NBEAL1: variants seen among roughly 807,000 people sequenced by gnomAD.
The protein encoded by NBEAL1 is neurobeachin-like protein 1.
In NBEAL1, 273 loss-of-function variants were observed where a neutral mutation model predicts 351.3. That is an observed-to-expected ratio of 0.78 (90% CI 0.70 to 0.86). The LOEUF (loss-of-function observed/expected upper bound fraction) is 0.86, where lower values mean the gene tolerates loss of function less well. Ranked by LOEUF, NBEAL1 falls within the 40% of genes least tolerant of loss-of-function variation. The pLI, the probability that NBEAL1 is intolerant of heterozygous loss-of-function variation, is 0.00. For missense variants in NBEAL1, 2,961 were observed against 3,201.3 expected (o/e 0.92, Z 1.81); for synonymous variants, 1,050 against 1,086.4 (o/e 0.97, Z 0.66).
At chr2:203,141,398 T>TC (rs1381393217) in intron 31 of NBEAL1, among the ~76,000 whole-genome samples, 3 of 130,140 alleles carry the variant, frequency 2.3e-5, no homozygotes, top group African/African-American at 8.8e-5. Flanking sequence ...TTTTTTTTTT[T>TC]CAGATGGAGT....
In NBEAL1 at chr2:203,202,630, A is replaced by G. The variant is rs1005167476; in HGVS notation, c.7412-57A>G. On this transcript the variant is annotated intron_variant, in intron 50 of 55. Transcript: ENST00000683969. The stretch of plus-strand genomic sequence containing the variant: ...TTGAACATTAACAAAAATTGCTCTT[A>G]AAGTTCTATTTTAGCAAAACGAGGC... The G allele has an allele frequency of 1.0e-4, 98 of 983,778 alleles. No homozygotes were observed. The East Asian group carries it at 2.3e-3, about 23-fold the overall frequency. The allele number at this position is 983,778 out of a possible 1,614,324, so 60.9% of individuals were successfully genotyped here. A position where few individuals can be genotyped will look rare whatever the true frequency, so the allele number is the denominator to read the frequency against.
intron 31 of NBEAL1, among the ~76,000 whole-genome samples, chr2:203,141,837 A>G (rs1172539808): frequency 6.6e-6 from 1 of 152,214 alleles, no homozygotes; most frequent in Non-Finnish European, 1.5e-5. Context: ...TATAGGGGTT[A>G]TAATAGAGCT....
intron 41 of NBEAL1, among the ~76,000 whole-genome samples, chr2:203,174,116 G>T (rs2064410113): frequency 7.0e-6 from 1 of 143,164 alleles, no homozygotes; most frequent in Non-Finnish European, 1.5e-5. Flanking sequence ...TAGATTTCTA[G>T]GTATCAATTT....
chr2:203,156,109 T>C (rs537439521), intron 35 of NBEAL1, among the ~76,000 whole-genome samples: 2 of 152,360 alleles, frequency 1.3e-5, no homozygotes, highest in South Asian at 4.1e-4. Flanking sequence ...ACTTCTCTTG[T>C]ATCTGGTATT....
At chr2:203,041,680 C>T (rs1424684819) in intron 2 of NBEAL1, 85 bp from the exon 3 acceptor site, 14 of 809,212 alleles carry the variant, frequency 1.7e-5, no homozygotes, top group Admixed American at 5.1e-5. Flanking sequence ...AGTATTGATT[C>T]TTTAGGTATC....
At chr2:203,037,448 A>G (rs2061058391) in intron 2 of NBEAL1, among the ~76,000 whole-genome samples, 1 of 149,116 alleles carries the variant, frequency 6.7e-6, no homozygotes, top group African/African-American at 2.4e-5. Flanking sequence ...GTTTTTTTTC[A>G]ATTCAGCTTT....
intron 36 of NBEAL1, 91 bp from the exon 37 acceptor site, chr2:203,166,058 A>G: frequency 8.1e-7 from 1 of 1,236,604 alleles, no homozygotes; most frequent in Non-Finnish European, 1.1e-6. Context: ...AAAAAGAAAA[A>G]AAAGAGATTA....
At chr2:203,061,256 A>G (rs184270536) in intron 6 of NBEAL1, 1 of 152,246 alleles carries the variant, frequency 6.6e-6, no homozygotes, top group African/African-American at 2.4e-5. Context: ...TTCCCCCAGT[A>G]TGAGTTTTTC....
chr2:203,135,614 T>C (rs2063182307), intron 27 of NBEAL1, 63 bp from the exon 28 acceptor site: 5 of 976,152 alleles, frequency 5.1e-6, no homozygotes, highest in African/African-American at 5.0e-5. Flanking sequence ...ACTGAAAATA[T>C]TATTTTTGAT....
intron 4 of NBEAL1, among the ~76,000 whole-genome samples, chr2:203,051,323 G>A (rs994638444): frequency 1.1e-4 from 16 of 152,114 alleles, no homozygotes; most frequent in Admixed American, 6.6e-4. Context: ...GAGGTGGATC[G>A]CTTGAGGTCA....
chr2:203,086,806 A>C (rs1378991411), intron 10 of NBEAL1, among the ~76,000 whole-genome samples: 1 of 152,182 alleles, frequency 6.6e-6, no homozygotes, highest in African/African-American at 2.4e-5. Context: ...AAATGCTGGG[A>C]TTACAGGCGT....
intron 4 of NBEAL1, among the ~76,000 whole-genome samples, chr2:203,051,030 A>T (rs2061316053): frequency 6.6e-6 from 1 of 152,172 alleles, no homozygotes; most frequent in Non-Finnish European, 1.5e-5. Context: ...TTTTATAAAT[A>T]TTTTATAATT....
chr2:203,162,087 G>A (rs375402333), intron 36 of NBEAL1, among the ~76,000 whole-genome samples: 1 of 147,074 alleles, frequency 6.8e-6, no homozygotes, highest in Non-Finnish European at 1.5e-5. Context: ...GCAGTGGCGC[G>A]ATCTCGGCTC....
chr2:203,177,793 C>T (rs1372005269), intron 42 of NBEAL1, among the ~76,000 whole-genome samples: 1 of 151,958 alleles, frequency 6.6e-6, no homozygotes, highest in African/African-American at 2.4e-5. Context: ...CTGAGGTAGG[C>T]AAATCACTTG....
chr2:203,201,813 C>T (rs2065408213), intron 50 of NBEAL1, 98 bp downstream of exon 50: 1 of 984,346 alleles, frequency 1.0e-6, no homozygotes, highest in South Asian at 2.4e-5. Context: ...TTAAATTTTA[C>T]CTTTGAAGCT....
In NBEAL1 at chr2:203,217,834, A is replaced by G; in HGVS notation, c.*480A>G. 1 of 985,306 alleles carries G rather than the reference A, an allele frequency of 1.0e-6. No homozygotes were observed. Among genetic ancestry groups the G allele is most frequent in the Non-Finnish European group, 1.2e-6 (1 of 829,816 alleles). 61.0% of individuals were successfully genotyped at this position (985,306 alleles called of 1,614,324 possible). A position where few individuals can be genotyped will look rare whatever the true frequency, so the allele number is the denominator to read the frequency against. ...TATCTGTTGCACACTTGGATTTTCA[A>G]AACTCGGTGAAAGTTACAAGTTTGC... is the stretch of plus-strand genomic sequence containing the variant. On this transcript the variant is annotated 3_prime_UTR_variant, in exon 56 of 56. Coordinates refer to ENST00000683969, the MANE Select transcript of NBEAL1 (RefSeq NM_001378026.1).
intron 12 of NBEAL1, among the ~76,000 whole-genome samples, chr2:203,104,459 G>A (rs2062390865): frequency 6.6e-6 from 1 of 152,156 alleles, no homozygotes; most frequent in South Asian, 2.1e-4. Flanking sequence ...GTCTCTTGAA[G>A]ACAGCATACC....
intron 8 of NBEAL1, among the ~76,000 whole-genome samples, chr2:203,078,777 G>A (rs192721808): frequency 1.2e-3 from 177 of 152,196 alleles, no homozygotes; most frequent in African/African-American, 4.1e-3. Flanking sequence ...TATAGCACAC[G>A]TCCCCTTGGC....
chr2:203,133,088 C>T lies in NBEAL1; in HGVS notation c.3755C>T (p.Ser1252Phe), dbSNP rs1235379847. ...GTTATTAATTTCAAAGATCTACTAT[C>T]TGTGGTATATATATCTCACAGAGCA... ...DPVINFKDLL[S>F]VVYISHRAHI... Residue 1252 changes from serine to phenylalanine, a missense_variant, in exon 27 of 56, where the codon TCT becomes TTT. Physicochemically the swap from Ser to Phe is radical, Grantham distance 155. Coordinates refer to ENST00000683969, the MANE Select transcript of NBEAL1 (RefSeq NM_001378026.1). 23 of 1,512,576 alleles carry T rather than the reference C, an allele frequency of 1.5e-5. No individual in the cohort carries two copies. Among genetic ancestry groups the T allele is most frequent in the Non-Finnish European group, 1.7e-5 (19 of 1,120,594 alleles). 93.7% of individuals were successfully genotyped at this position (1,512,576 alleles called of 1,614,324 possible). A position where few individuals can be genotyped will look rare whatever the true frequency, so the allele number is the denominator to read the frequency against.
Sources: gnomAD v4.1 joint callset for allele counts (sites outside exome capture counted in the v4.1 genomes callset) on GRCh38, gnomAD v4.1.1 for gene constraint, MANE v1.5 for transcripts, NCBI Gene and HGNC (gene_info 2026-07-23, HGNC 2026-07-21) for gene names.